Variants in PPP1R2 observed in about 807,000 individuals in gnomAD.
PPP1R2 encodes protein phosphatase inhibitor 2.
Under a neutral mutation model 29.9 loss-of-function variants are expected in PPP1R2, and 16 were observed. The ratio of observed to expected loss-of-function variants is 0.53; its 90% CI spans 0.36 to 0.81. PPP1R2 has a LOEUF of 0.81. Among genes scored for constraint, PPP1R2 ranks in the 30% least tolerant of loss-of-function variants. The pLI, the probability that PPP1R2 is intolerant of heterozygous loss-of-function variation, is 0.00. For synonymous variants in PPP1R2, 76 were observed against 91.5 expected (o/e 0.83, Z 0.96); for missense variants, 197 against 252.7 (o/e 0.78, Z 1.49).
At chr3:195,532,834 T>C (rs1219644250) in intron 1 of PPP1R2, among the ~76,000 whole-genome samples, 3 of 152,214 alleles carry the variant, frequency 2.0e-5, no homozygotes, top group Non-Finnish European at 4.4e-5. Flanking sequence ...GCATTATACA[T>C]AGAGAATAGT....
chr3:195,531,767 A>C (rs1221842374), intron 1 of PPP1R2, among the ~76,000 whole-genome samples: 1 of 152,188 alleles, frequency 6.6e-6, no homozygotes, highest in Non-Finnish European at 1.5e-5. Context: ...GGCATTAAGA[A>C]CATCACATCA....
At chr3:195,539,980 C>A (rs1313526049) in intron 1 of PPP1R2, among the ~76,000 whole-genome samples, 1 of 152,120 alleles carries the variant, frequency 6.6e-6, no homozygotes, top group African/African-American at 2.4e-5. Flanking sequence ...GTAATATTTA[C>A]GTAAAATAAC....
chr3:195,520,680 T>G (rs1295317882), intron 4 of PPP1R2, among the ~76,000 whole-genome samples: 1 of 152,124 alleles, frequency 6.6e-6, no homozygotes, highest in East Asian at 1.9e-4. Flanking sequence ...AGTACTTTCT[T>G]CTTTTTTTTA....
intron 1 of PPP1R2, among the ~76,000 whole-genome samples, chr3:195,535,506 A>G (rs80329410): frequency 0.016 from 2,451 of 152,352 alleles, 86 homozygotes; most frequent in African/African-American, 0.056. Flanking sequence ...GACAGTGCCA[A>G]TCAAGGAACT....
At chr3:195,517,630 T>G (rs1474683498) in intron 5 of PPP1R2, among the ~76,000 whole-genome samples, 10 of 152,148 alleles carry the variant, frequency 6.6e-5, no homozygotes, top group Admixed American at 1.3e-4. Flanking sequence ...TGAAATGTAA[T>G]ATCTTATAAG....
At chr3:195,523,541 C>T (rs1350375357) in intron 4 of PPP1R2, 151 bp downstream of exon 4, 1 of 638,282 alleles carries the variant, frequency 1.6e-6, no homozygotes, top group Non-Finnish European at 2.8e-6. Context: ...ACAAAACACA[C>T]AAGTAGTATC....
At chr3:195,523,662 A>G (rs1718851897) in intron 4 of PPP1R2, 30 bp downstream of exon 4, 4 of 1,556,506 alleles carry the variant, frequency 2.6e-6, no homozygotes, top group African/African-American at 1.4e-5. Flanking sequence ...TACTAGCACC[A>G]TGATGAAAGC....
intron 1 of PPP1R2, among the ~76,000 whole-genome samples, chr3:195,537,534 G>T (rs1719442821): frequency 3.0e-5 from 2 of 65,716 alleles, no homozygotes; most frequent in Non-Finnish European, 3.2e-5. Flanking sequence ...CATTTCAGCA[G>T]GTATAAAACA....
Position 195,534,473 on chromosome 3 carries a change from C to T in PPP1R2, c.123-4572G>A, listed in dbSNP as rs557426435. ...GAGAAGCAAGCATCAGGATTTAAGG[C>T]AGGAAGGGACAGGCTAACTCTACTG... On this transcript the variant is annotated intron_variant, in intron 1 of 5. Transcript: ENST00000618156. Among the ~76,000 whole-genome samples, 29 of 152,252 alleles carry T rather than the reference C, an allele frequency of 1.9e-4. No homozygotes were observed. In the East Asian group the frequency reaches 5.2e-3, roughly 27 times the overall value.
intron 2 of PPP1R2, chr3:195,529,572 A>G (rs1719105823): frequency 2.7e-6 from 1 of 376,120 alleles, no homozygotes; most frequent in Non-Finnish European, 4.7e-6. Flanking sequence ...ACAAATAAAC[A>G]TTTACTACTA....
At chr3:195,539,909 A>G (rs913550438) in intron 1 of PPP1R2, among the ~76,000 whole-genome samples, 8 of 152,212 alleles carry the variant, frequency 5.3e-5, no homozygotes, top group African/African-American at 1.9e-4. Flanking sequence ...TAGTACATCC[A>G]TATATGAATT....
At chr3:195,541,069 G>A (rs1719574765) in intron 1 of PPP1R2, among the ~76,000 whole-genome samples, 1 of 152,168 alleles carries the variant, frequency 6.6e-6, no homozygotes, top group East Asian at 1.9e-4. Context: ...TAACTCGACA[G>A]GTCAGTCCCT....
chr3:195,524,916 G>A lies in PPP1R2; in HGVS notation c.231-20C>T, dbSNP rs779539814. 29 of 1,601,822 alleles carry A rather than the reference G, an allele frequency of 1.8e-5. No homozygotes were observed. In the Admixed American group the frequency reaches 4.7e-4, roughly 26 times the overall value. ...ATCATACTAGTATGACAAGCACATT[G>A]TAATTAATACCTGAAACATACATTT... On this transcript the variant is annotated intron_variant, in intron 2 of 5. Transcript: ENST00000618156.
At chr3:195,540,901 A>C (rs935977801) in intron 1 of PPP1R2, among the ~76,000 whole-genome samples, 6 of 152,212 alleles carry the variant, frequency 3.9e-5, no homozygotes, top group Non-Finnish European at 7.3e-5. Flanking sequence ...AAACAGACTA[A>C]GACTATATTG....
At position 195,516,022 on chromosome 3, in the gene PPP1R2, C is replaced by T. The variant is rs1718531595; in HGVS notation, c.*874G>A. On this transcript the variant is annotated 3_prime_UTR_variant, in exon 6 of 6. Transcript: ENST00000618156. ...AAAGAGCTCCTAATGTGGTGACAGT[C>T]TTAATGATCCTTTAAAAGGTAGAAG... 6.6e-6 allele frequency: 1 copy of T among 152,154 alleles called. No homozygotes were observed. The highest frequency in any genetic ancestry group is 1.9e-4 in the East Asian group (1 of 5,190). The allele number at this position is 152,154 out of a possible 1,614,324, so 9.4% of individuals were successfully genotyped here.
Position 195,529,732 on chromosome 3 carries a change from C to T in PPP1R2, c.230+62G>A, listed in dbSNP as rs141289158. On this transcript the variant is annotated intron_variant, in intron 2 of 5. Transcript: ENST00000618156. ...AAATTCAAATAGGCTGTTATCCAGA[C>T]GTTCATATGAAATGCAAAATGGAAG... The T allele has an allele frequency of 3.2e-4, 380 of 1,189,082 alleles. 4 individuals are homozygous for T. In the African/African-American group the frequency reaches 4.9e-3, roughly 15 times the overall value. 73.7% of individuals were successfully genotyped at this position (1,189,082 alleles called of 1,614,324 possible). A position where few individuals can be genotyped will look rare whatever the true frequency, so the allele number is the denominator to read the frequency against.
chr3:195,528,626 T>C (rs898443281), intron 2 of PPP1R2: 1 of 151,698 alleles, frequency 6.6e-6, no homozygotes, highest in Non-Finnish European at 1.5e-5. Flanking sequence ...ATTTATGCTG[T>C]CTTAATTCAA....
intron 1 of PPP1R2, among the ~76,000 whole-genome samples, chr3:195,538,245 G>A (rs1309781638): frequency 6.6e-6 from 1 of 152,176 alleles, no homozygotes; most frequent in Non-Finnish European, 1.5e-5. Flanking sequence ...AGCTCATATG[G>A]TGCCACCTTA....
At chr3:195,519,787 G>A (rs1007538878) in intron 4 of PPP1R2, 1 of 151,872 alleles carries the variant, frequency 6.6e-6, no homozygotes. Context: ...ATGGTGAAGT[G>A]ACTCCAAAAT....
Sources: gnomAD v4.1 joint callset for allele counts (sites outside exome capture counted in the v4.1 genomes callset) on GRCh38, gnomAD v4.1.1 for gene constraint, MANE v1.5 for transcripts, NCBI Gene and HGNC (gene_info 2026-07-23, HGNC 2026-07-21) for gene names.